The following CATSPER3 variants were observed in gnomAD, a reference collection of about 807,000 sequenced individuals.
CATSPER3 encodes cation channel sperm associated 3, also known as cation channel sperm-associated protein 3.
In CATSPER3, 23 loss-of-function variants were observed where a neutral mutation model predicts 36.6. That is an observed-to-expected ratio of 0.63 (90% CI 0.45 to 0.89). The LOEUF is 0.89. CATSPER3 is among the 40% of genes least tolerant of loss of function. The pLI is 0.00. For synonymous variants in CATSPER3, 172 were observed against 184.1 expected (o/e 0.93, Z 0.53); for missense variants, 474 against 503.9 (o/e 0.94, Z 0.57).
chr5:134,968,248 T>G (rs1017755691), intron 1 of CATSPER3, 159 bp downstream of exon 1: 1 of 660,134 alleles, frequency 1.5e-6, no homozygotes, highest in Non-Finnish European at 2.8e-6. Context: ...TTGGTGAGGC[T>G]GGCATGCTAT....
At chr5:134,980,375 TC>T (rs1751735656) in intron 2 of CATSPER3, among the ~76,000 whole-genome samples, 1 of 146,030 alleles carries the variant, frequency 6.8e-6, no homozygotes, top group Non-Finnish European at 1.5e-5. Flanking sequence ...CTTCCTTCCT[TC>T]CCTCCCTCCT....
At chr5:134,976,249 C>T (rs1282219951) in intron 2 of CATSPER3, among the ~76,000 whole-genome samples, 1 of 152,130 alleles carries the variant, frequency 6.6e-6, no homozygotes, top group Non-Finnish European at 1.5e-5. Flanking sequence ...GGGAGGATTG[C>T]TTGAGCCTGA....
Position 135,010,401 on chromosome 5 carries a change from A to G in CATSPER3, c.965A>G (p.Glu322Gly), listed in dbSNP as rs1199983621. 6.2e-7 allele frequency: 1 copy of G among 1,613,964 alleles called. No individual in the cohort carries two copies. The highest frequency in any genetic ancestry group is 1.3e-5 in the African/African-American group (1 of 74,926). ...AATGCTGACTGCACAAGTTTCAGTG[A>G]GCTGGTGGAGAACTTTAAGAAGACC... is the stretch of plus-strand genomic sequence containing the variant. ...QKNADCTSFS[E>G]LVENFKKTLS... The change falls in exon 7 of 8, where the codon GAG becomes GGG. Residue 322 changes from glutamate (E) to glycine (G), a missense_variant. By Grantham distance (98) the Glu-to-Gly change is moderately conservative. Coordinates refer to ENST00000282611, the MANE Select transcript of CATSPER3 (RefSeq NM_178019.3).
At chr5:134,972,585 CAAT>C (rs1751620352) in intron 2 of CATSPER3, among the ~76,000 whole-genome samples, 1 of 151,748 alleles carries the variant, frequency 6.6e-6, no homozygotes, top group Non-Finnish European at 1.5e-5. Context: ...TTTTTTAAAT[CAAT>C]AAGAAATGAA....
At chr5:134,991,572 A>G (rs1043774648) in intron 2 of CATSPER3, among the ~76,000 whole-genome samples, 4 of 152,174 alleles carry the variant, frequency 2.6e-5, no homozygotes, top group African/African-American at 9.7e-5. Flanking sequence ...AACAAATAGT[A>G]TTTGGACAAC....
chr5:135,009,238 GC>G lies in CATSPER3; in HGVS notation c.817-132del, dbSNP rs1418049801. The G allele has an allele frequency of 4.9e-5, 51 of 1,045,864 alleles. No homozygotes were observed. The Middle Eastern group carries it at 8.5e-4, about 17-fold the overall frequency. 64.8% of individuals were successfully genotyped at this position (1,045,864 alleles called of 1,614,324 possible). ...GCAGCTACAGTTGGCAGCTTGAGTG[GC>G]GGCTGGCCCTGTGTGGGGAAAAGTG... is the stretch of plus-strand genomic sequence containing the variant. On this transcript the variant is annotated intron_variant, in intron 5 of 7. Transcript: ENST00000282611.
At chr5:134,975,084 C>T (rs1751651737) in intron 2 of CATSPER3, 1 of 152,102 alleles carries the variant, frequency 6.6e-6, no homozygotes, top group Non-Finnish European at 1.5e-5. Context: ...CTTAAGCTCT[C>T]TGTGGTTTGT....
At chr5:134,996,190 T>TC in intron 2 of CATSPER3, 83 bp from the exon 3 acceptor site, 1 of 1,588,528 alleles carries the variant, frequency 6.3e-7, no homozygotes, top group Non-Finnish European at 8.6e-7. Flanking sequence ...GAGCACCCCT[T>TC]CCGGGGCTCA....
intron 2 of CATSPER3, among the ~76,000 whole-genome samples, chr5:134,980,149 T>A (rs1357600966): frequency 6.6e-6 from 1 of 151,950 alleles, no homozygotes; most frequent in African/African-American, 2.4e-5. Context: ...GCCCAGCTAA[T>A]TTTTTAATTT....
chr5:134,991,184 T>C (rs1360826395), intron 2 of CATSPER3, among the ~76,000 whole-genome samples: 2 of 152,192 alleles, frequency 1.3e-5, no homozygotes, highest in Non-Finnish European at 2.9e-5. Flanking sequence ...TGGAAGAGAT[T>C]TAATCTTGTT....
At chr5:134,996,876 G>A (rs148908288) in intron 3 of CATSPER3, among the ~76,000 whole-genome samples, 14 of 152,266 alleles carry the variant, frequency 9.2e-5, no homozygotes, top group African/African-American at 3.1e-4. Flanking sequence ...TGCCCAGGAC[G>A]CCTTGGCTTT....
rs1427222855 is a variant in CATSPER3 at position 134,968,072 on chromosome 5, A to C, written c.81A>C (p.Pro27=). 6.8e-6 allele frequency: 11 copies of C among 1,610,868 alleles called. No individual in the cohort carries two copies. Among genetic ancestry groups the C allele is most frequent in the Non-Finnish European group, 9.3e-6 (11 of 1,177,186 alleles). The change falls in exon 1 of 8, where the codon CCA becomes CCC. Residue 27 remains proline (P), a synonymous_variant. Transcript: ENST00000282611. ...PVDTTSVGFC[P]TFKKFKRNDD... The stretch of plus-strand genomic sequence containing the variant: ...ACACTACATCGGTGGGATTTTGCCC[A>C]ACATTCAAGAAATTTAAGTAAATAT...
rs1223289000 is a variant in CATSPER3 at position 135,008,981 on chromosome 5, G to A, written c.816G>A (p.Glu272=). 2 of 1,614,076 alleles carry A rather than the reference G, an allele frequency of 1.2e-6. No homozygotes were observed. Among genetic ancestry groups the A allele is most frequent in the Admixed American group, 3.3e-5 (2 of 60,028 alleles). The part of the protein sequence containing the change: ...MFVGVMIMHT[E]DSIRKFEREL... The stretch of plus-strand genomic sequence containing the variant: ...TGGGTGTGATGATCATGCACACAGA[G>A]GTGAGGCCACACCTGTGAGGATCGG... Residue 272 remains glutamate (E), a splice_region_variant and synonymous_variant, in exon 5 of 8, where the codon GAG becomes GAA. Coordinates refer to ENST00000282611, the MANE Select transcript of CATSPER3 (RefSeq NM_178019.3).
intron 3 of CATSPER3, among the ~76,000 whole-genome samples, chr5:135,002,207 C>T (rs1288049582): frequency 3.3e-5 from 5 of 152,142 alleles, no homozygotes; most frequent in Non-Finnish European, 7.3e-5. Flanking sequence ...TATTTTATTT[C>T]TCCTTCACTT....
chr5:134,976,778 G>A (rs1751680732), intron 2 of CATSPER3, among the ~76,000 whole-genome samples: 1 of 152,256 alleles, frequency 6.6e-6, no homozygotes, highest in South Asian at 2.1e-4. Flanking sequence ...GGGGAAAGCT[G>A]CTAAACCTCC....
At chr5:135,006,672 A>G (rs1441729145) in intron 3 of CATSPER3, among the ~76,000 whole-genome samples, 1 of 151,612 alleles carries the variant, frequency 6.6e-6, no homozygotes, top group Non-Finnish European at 1.5e-5. Flanking sequence ...CATCTCTACT[A>G]AAAATACAAA....
intron 2 of CATSPER3, among the ~76,000 whole-genome samples, chr5:134,986,334 C>T (rs541459845): frequency 1.3e-5 from 2 of 151,798 alleles, no homozygotes; most frequent in African/African-American, 4.8e-5. Flanking sequence ...AGTAGAGACA[C>T]GGTTTCTCCA....
At chr5:134,970,226 G>A (rs1751586274) in intron 2 of CATSPER3, 134 bp downstream of exon 2, 4 of 817,576 alleles carry the variant, frequency 4.9e-6, no homozygotes, top group Non-Finnish European at 8.0e-6. Context: ...CGTGATCTCA[G>A]CTCACTGCAA....
intron 2 of CATSPER3, among the ~76,000 whole-genome samples, chr5:134,974,401 G>T (rs2149545503): frequency 6.6e-6 from 1 of 152,274 alleles, no homozygotes; most frequent in African/African-American, 2.4e-5. Context: ...GAAATGCAAG[G>T]TATTAATTAC....
Sources: gnomAD v4.1 joint callset for allele counts (sites outside exome capture counted in the v4.1 genomes callset) on GRCh38, gnomAD v4.1.1 for gene constraint, MANE v1.5 for transcripts, NCBI Gene and HGNC (gene_info 2026-07-23, HGNC 2026-07-21) for gene names.